Variants in ITCH observed in about 807,000 individuals in gnomAD.
ITCH encodes the protein itchy E3 ubiquitin protein ligase, also known as E3 ubiquitin-protein ligase Itchy homolog.
Under a neutral mutation model 126.8 loss-of-function variants are expected in ITCH, and 28 were observed. That is an observed-to-expected ratio of 0.22 (90% CI 0.16 to 0.30). ITCH has a LOEUF of 0.30. Among genes scored for constraint, ITCH ranks in the 10% least tolerant of loss-of-function variants. ITCH has a pLI of 1.00. For synonymous variants in ITCH, 342 were observed against 340.0 expected, an observed-to-expected ratio of 1.01 and a Z score of -0.06; for missense variants, 631 against 1,032.4, an observed-to-expected ratio of 0.61 and a Z score of 5.33.
At chr20:34,482,743 C>T (rs1384977176) in intron 20 of ITCH, among the ~76,000 whole-genome samples, 1 of 152,142 alleles carries the variant, frequency 6.6e-6, no homozygotes, top group Non-Finnish European at 1.5e-5. Flanking sequence ...GACGGTTGCC[C>T]TCTTCTCACA....
chr20:34,449,491 T>C lies in ITCH; in HGVS notation c.1210+11T>C. ...TGCCACCTGGATGGGGTAAGTCACA[T>C]GAGTTTCTTCATGGAGTTCTGTCAT... On this transcript the variant is annotated intron_variant, in intron 12 of 24. Coordinates refer to ENST00000374864, the MANE Select transcript of ITCH (RefSeq NM_031483.7). The C allele has an allele frequency of 6.4e-7, 1 of 1,559,560 alleles. No homozygotes were observed. Among genetic ancestry groups the C allele is most frequent in the Admixed American group, 1.7e-5 (1 of 59,920 alleles).
chr20:34,382,231 A>C (rs1308917688), intron 2 of ITCH, among the ~76,000 whole-genome samples: 2 of 152,084 alleles, frequency 1.3e-5, no homozygotes, highest in Non-Finnish European at 2.9e-5. Context: ...TCCCCTTCCT[A>C]GTATTGAGGG....
At chr20:34,497,331 G>A (rs961495744) in intron 23 of ITCH, among the ~76,000 whole-genome samples, 1 of 151,852 alleles carries the variant, frequency 6.6e-6, no homozygotes, top group African/African-American at 2.4e-5. Flanking sequence ...AAAATCAGTT[G>A]GATGTAAATA....
intron 23 of ITCH, among the ~76,000 whole-genome samples, chr20:34,500,802 A>ATAG (rs1188543789): frequency 6.6e-6 from 1 of 152,062 alleles, no homozygotes; most frequent in East Asian, 1.9e-4. Context: ...TATAGTGCTA[A>ATAG]GGTTTGGTTC....
At chr20:34,370,146 G>A (rs2037566907) in intron 2 of ITCH, among the ~76,000 whole-genome samples, 1 of 150,614 alleles carries the variant, frequency 6.6e-6, no homozygotes, top group African/African-American at 2.4e-5. Flanking sequence ...AGTGCAGAAA[G>A]AATAGAGGAC....
rs1446855829 is a variant in ITCH, at chr20:34,479,700, G to A, written c.1729G>A (p.Asp577Asn). 1.2e-6 allele frequency: 2 copies of A among 1,613,706 alleles called. No individual in the cohort carries two copies. The highest frequency in any genetic ancestry group is 1.7e-6 in the Non-Finnish European group (2 of 1,179,640). Reference sequence around the variant, plus strand: ...TTGCCTGTTTGAATATGCAGGGAAGGATAACTACTGCTTGCAGATAAACCC... The same window carrying A: ...TTGCCTGTTTGAATATGCAGGGAAGAATAACTACTGCTTGCAGATAAACCC... ...MYCLFEYAGKDNYCLQINPAS... is the reference protein window; with the variant it reads ...MYCLFEYAGKNNYCLQINPAS... Residue 577 changes from aspartate to asparagine, a missense_variant, in exon 18 of 25, where the codon GAT becomes AAT. Physicochemically the swap from Asp to Asn is conservative, Grantham distance 23. Transcript: ENST00000374864.
intron 6 of ITCH, among the ~76,000 whole-genome samples, chr20:34,418,468 C>T (rs890294074): frequency 6.6e-6 from 1 of 151,930 alleles, no homozygotes; most frequent in Admixed American, 6.6e-5. Context: ...TTCCGCTTAA[C>T]GTTAGGGTAA....
At chr20:34,479,566 C>A in intron 17 of ITCH, 64 bp from the exon 18 acceptor site, 1 of 1,363,730 alleles carries the variant, frequency 7.3e-7, no homozygotes, top group Non-Finnish European at 1.0e-6. Context: ...AACTTTATAG[C>A]ACTGTTCTTT....
At chr20:34,394,034 C>T (rs2038580303) in intron 3 of ITCH, among the ~76,000 whole-genome samples, 153 bp downstream of exon 3, 1 of 151,852 alleles carries the variant, frequency 6.6e-6, no homozygotes. Context: ...GAGTTTGAGA[C>T]CAGCCAAGCC....
chr20:34,438,356 G>A, intron 7 of ITCH, 118 bp from the exon 8 acceptor site: 1 of 1,052,122 alleles, frequency 9.5e-7, no homozygotes, highest in Non-Finnish European at 1.4e-6. Flanking sequence ...AAATTAAAAA[G>A]CTTTTTTGAA....
intron 13 of ITCH, among the ~76,000 whole-genome samples, chr20:34,458,199 T>A (rs1213416944): frequency 6.6e-6 from 1 of 152,186 alleles, no homozygotes; most frequent in Admixed American, 6.5e-5. Flanking sequence ...TACTACCATG[T>A]AGGATTAAGA....
At chr20:34,405,945 C>A (rs1029250015) in intron 3 of ITCH, among the ~76,000 whole-genome samples, 1 of 151,748 alleles carries the variant, frequency 6.6e-6, no homozygotes, top group African/African-American at 2.4e-5. Flanking sequence ...CTGGTCCCCA[C>A]TTGAATATTT....
intron 2 of ITCH, among the ~76,000 whole-genome samples, chr20:34,374,155 C>T (rs951520717): frequency 2.6e-5 from 4 of 152,028 alleles, no homozygotes; most frequent in African/African-American, 9.7e-5. Flanking sequence ...TAACCATCTG[C>T]ATTTAGGTGA....
intron 16 of ITCH, among the ~76,000 whole-genome samples, chr20:34,471,796 T>TGTGTGTGTGTG (rs58040161): frequency 7.3e-5 from 11 of 150,164 alleles, no homozygotes; most frequent in African/African-American, 2.2e-4. Context: ...TGTGTGTGTG[T>TGTGTGTGTGTG]TTCAGGTTTC....
intron 23 of ITCH, among the ~76,000 whole-genome samples, chr20:34,494,209 A>G (rs1989710410): frequency 6.6e-6 from 1 of 152,172 alleles, no homozygotes; most frequent in Non-Finnish European, 1.5e-5. Context: ...CAGCCTGGGA[A>G]ACAGAGTGAG....
intron 3 of ITCH, among the ~76,000 whole-genome samples, chr20:34,398,211 C>T (rs1193461737): frequency 1.3e-5 from 2 of 151,506 alleles, no homozygotes; most frequent in African/African-American, 2.4e-5. Context: ...TACAAGTGTG[C>T]GCCACCACAC....
intron 16 of ITCH, among the ~76,000 whole-genome samples, chr20:34,475,515 C>T (rs935610064): frequency 5.9e-5 from 9 of 152,158 alleles, no homozygotes; most frequent in Non-Finnish European, 1.2e-4. Context: ...ACCAGTCAGG[C>T]GTGGCGGCGC....
chr20:34,458,055 A>G (rs988262139), intron 13 of ITCH, among the ~76,000 whole-genome samples: 1 of 152,208 alleles, frequency 6.6e-6, no homozygotes, highest in African/African-American at 2.4e-5. Flanking sequence ...TAGTGATTCT[A>G]AATCAGGGTT....
chr20:34,479,887 G>GT, intron 18 of ITCH, 98 bp downstream of exon 18: 1 of 1,124,814 alleles, frequency 8.9e-7, no homozygotes, highest in Non-Finnish European at 1.3e-6. Context: ...AAGGGAAGTG[G>GT]TTTTTTGTTT....
Sources: allele counts gnomAD v4.1 joint callset (sites outside exome capture counted in the v4.1 genomes callset), GRCh38; gene constraint gnomAD v4.1.1; transcripts MANE v1.5; gene names NCBI Gene and HGNC (gene_info 2026-07-23, HGNC 2026-07-21).